Variants in EPN2 observed in about 807,000 individuals in gnomAD.
The protein encoded by EPN2 is epsin 2.
In EPN2, 34 loss-of-function variants were observed where a neutral mutation model predicts 61.7. The observed-to-expected ratio is 0.55, with a 90% CI of 0.42 to 0.73. EPN2 has a LOEUF of 0.73. Among genes scored for constraint, EPN2 ranks in the 30% least tolerant of loss-of-function variants. The pLI is 0.00. For synonymous variants in EPN2, 349 were observed against 353.6 expected (o/e 0.99, Z 0.15); for missense variants, 714 against 839.2 (o/e 0.85, Z 1.84).
Position 19,283,420 on chromosome 17 carries a change from T to G in EPN2, c.301T>G (p.Phe101Val). Residue 101 changes from phenylalanine (F) to valine (V), a missense_variant, in exon 3 of 11, where the codon TTC (phenylalanine) becomes GTC (valine). Phe to Val is a conservative substitution (Grantham distance 50). Coordinates refer to ENST00000314728, the MANE Select transcript of EPN2 (RefSeq NM_014964.5). The surrounding 1 kb of genome is among the most constrained non-coding windows in gnomAD (Gnocchi z 7.0). ...RVAQQCRENIFAIQTLKDFQY... is the reference protein window; with the variant it reads ...RVAQQCRENIVAIQTLKDFQY... ...GGCCCAGCAGTGCCGGGAGAACATC[T>G]TCGCCATCCAGACCCTGAAGGACTT... 1 of 1,614,124 alleles carries G rather than the reference T, an allele frequency of 6.2e-7. No individual in the cohort carries two copies. The highest frequency in any genetic ancestry group is 8.5e-7 in the Non-Finnish European group (1 of 1,180,006).
intron 1 of EPN2, among the ~76,000 whole-genome samples, chr17:19,278,982 T>C (rs1281427469): frequency 2.0e-5 from 3 of 152,220 alleles, no homozygotes; most frequent in Non-Finnish European, 2.9e-5. Flanking sequence ...TGCTCCTGTC[T>C]ATAAACTTCA....
Position 19,329,596 on chromosome 17 carries a change from A to G in EPN2, c.1360A>G (p.Ile454Val). 6.2e-7 allele frequency: 1 copy of G among 1,613,676 alleles called. No individual in the cohort carries two copies. The highest frequency in any genetic ancestry group is 8.5e-7 in the Non-Finnish European group (1 of 1,179,596). ...GCTCTTCAGTAATCTGAATGGTACA[A>G]TTAAAGATGACTTTTCTGAATTTGA... ...FELFSNLNGT[I>V]KDDFSEFDNL... The change falls in exon 9 of 11, where the codon ATT (isoleucine) becomes GTT (valine). Residue 454 changes from isoleucine (I) to valine (V), a missense_variant. Coordinates refer to ENST00000314728, the MANE Select transcript of EPN2 (RefSeq NM_014964.5).
intron 1 of EPN2, among the ~76,000 whole-genome samples, chr17:19,250,154 TGCCTATCTC>T (rs2044998629): frequency 6.6e-6 from 1 of 151,972 alleles, no homozygotes; most frequent in South Asian, 2.1e-4. Flanking sequence ...AGTGCAGTGA[TGCCTATCTC>T]GGCGCACTGC....
chr17:19,258,538 C>A (rs1217654572), intron 1 of EPN2, among the ~76,000 whole-genome samples: 1 of 152,172 alleles, frequency 6.6e-6, no homozygotes, highest in Non-Finnish European at 1.5e-5. Flanking sequence ...TCAGCATATT[C>A]TTTCCACACA....
At chr17:19,281,603 C>T (rs1244511403) in intron 1 of EPN2, among the ~76,000 whole-genome samples, 1 of 152,128 alleles carries the variant, frequency 6.6e-6, no homozygotes. Flanking sequence ...AGAGTAAAGA[C>T]CACCACAGGA....
chr17:19,309,885 C>T lies in EPN2; in HGVS notation c.767C>T (p.Ala256Val). 6.2e-7 allele frequency: 1 copy of T among 1,605,458 alleles called. No individual in the cohort carries two copies. Among genetic ancestry groups the T allele is most frequent in the Non-Finnish European group, 8.5e-7 (1 of 1,179,680 alleles). Residue 256 changes from alanine (A) to valine (V), a missense_variant and splice_region_variant, in exon 5 of 11, where the codon GCC becomes GTC. Physicochemically the swap from Ala to Val is moderately conservative, Grantham distance 64. Coordinates refer to ENST00000314728, the MANE Select transcript of EPN2 (RefSeq NM_014964.5). ...PCLTCDRAAR[A>V]TSPRVSSELE... ...ATGATGACTTGGTCTTCCCCAACAG[C>T]CACCTCCCCGCGAGTGTCCTCCGAG...
At chr17:19,306,856 G>C (rs4924981) in intron 4 of EPN2, among the ~76,000 whole-genome samples, 5 of 152,180 alleles carry the variant, frequency 3.3e-5, no homozygotes, top group African/African-American at 1.2e-4. Context: ...AGTAAATGAA[G>C]GATGTCGTAA....
chr17:19,334,257 C>T lies in EPN2; in HGVS notation c.*3C>T. 6.9e-7 allele frequency: 1 copy of T among 1,445,260 alleles called. No homozygotes were observed. Among genetic ancestry groups the T allele is most frequent in the Non-Finnish European group, 9.2e-7 (1 of 1,088,654 alleles). 89.5% of individuals were successfully genotyped at this position (1,445,260 alleles called of 1,614,324 possible). ...CAACCAACCCTTTCCTTCTCTAGTG[C>T]CTGGGCCTGGGACCCACCCAGAGCA... is the stretch of plus-strand genomic sequence containing the variant. On this transcript the variant is annotated 3_prime_UTR_variant, in exon 11 of 11. Coordinates refer to ENST00000314728, the MANE Select transcript of EPN2 (RefSeq NM_014964.5). The surrounding 1 kb of genome is among the most constrained non-coding windows in gnomAD (Gnocchi z 4.9).
intron 10 of EPN2, among the ~76,000 whole-genome samples, 185 bp downstream of exon 10, chr17:19,332,253 T>C (rs1907197534): frequency 6.6e-6 from 1 of 152,144 alleles, no homozygotes. Flanking sequence ...TTGTCAGTTA[T>C]GTGGGGAGTG....
At chr17:19,301,181 T>A (rs2080053743) in intron 4 of EPN2, among the ~76,000 whole-genome samples, 1 of 152,116 alleles carries the variant, frequency 6.6e-6, no homozygotes, top group South Asian at 2.1e-4. Flanking sequence ...GCCTCCATGG[T>A]CCCATGGCAG....
chr17:19,238,693 A>G (rs182161304), intron 1 of EPN2, among the ~76,000 whole-genome samples: 17 of 152,308 alleles, frequency 1.1e-4, no homozygotes, highest in Non-Finnish European at 7.4e-5. Context: ...TACCACATTT[A>G]ATAACTTTTT....
At chr17:19,275,584 C>G (rs2045297887) in intron 1 of EPN2, among the ~76,000 whole-genome samples, 1 of 152,164 alleles carries the variant, frequency 6.6e-6, no homozygotes, top group African/African-American at 2.4e-5. Flanking sequence ...GTGGTCCAGT[C>G]TGGATTCTTA....
At chr17:19,329,007 C>T (rs912399066) in intron 8 of EPN2, 120 bp downstream of exon 8, 3 of 887,682 alleles carry the variant, frequency 3.4e-6, no homozygotes, top group South Asian at 1.9e-5. Context: ...CCCTCCTCCC[C>T]CTTAGCCTTT....
chr17:19,303,582 G>A (rs546357022), intron 4 of EPN2, among the ~76,000 whole-genome samples: 5 of 152,172 alleles, frequency 3.3e-5, no homozygotes, highest in African/African-American at 1.2e-4. Flanking sequence ...GTTTTGCTGG[G>A]ACTGTCATAG....
chr17:19,335,338 G>T lies in EPN2; in HGVS notation c.*1084G>T. 6.7e-7 allele frequency: 1 copy of T among 1,489,048 alleles called. No homozygotes were observed. The highest frequency in any genetic ancestry group is 9.1e-7 in the Non-Finnish European group (1 of 1,103,472). 92.2% of individuals were successfully genotyped at this position (1,489,048 alleles called of 1,614,324 possible). A position where few individuals can be genotyped will look rare whatever the true frequency, so the allele number is the denominator to read the frequency against. On this transcript the variant is annotated 3_prime_UTR_variant, in exon 11 of 11. Coordinates refer to ENST00000314728, the MANE Select transcript of EPN2 (RefSeq NM_014964.5). ...ATATACCAACATCCTGAAAGTTAAA[G>T]AAAAAAATCTAATGTATGAATGTGA...
chr17:19,271,234 C>G (rs2045249863), intron 1 of EPN2, among the ~76,000 whole-genome samples: 1 of 152,036 alleles, frequency 6.6e-6, no homozygotes, highest in Admixed American at 6.6e-5. Context: ...GGGCTCTGTT[C>G]CAGATGACAG....
At chr17:19,333,932 C>T in intron 10 of EPN2, 24 bp from the exon 11 acceptor site, 2 of 1,513,768 alleles carry the variant, frequency 1.3e-6, no homozygotes, top group Non-Finnish European at 8.9e-7. Context: ...GGCTCAGCCT[C>T]TGCCCCTCCT....
intron 1 of EPN2, among the ~76,000 whole-genome samples, chr17:19,271,944 G>GC (rs1433317965): frequency 6.6e-6 from 1 of 152,208 alleles, no homozygotes; most frequent in Non-Finnish European, 1.5e-5. Context: ...CAGGCTCCTC[G>GC]CGAGATGGCG....
intron 1 of EPN2, among the ~76,000 whole-genome samples, chr17:19,273,837 T>G (rs963971797): frequency 3.9e-5 from 6 of 152,264 alleles, no homozygotes; most frequent in Non-Finnish European, 8.8e-5. Context: ...TATTAGGCTT[T>G]AAGTTATTGC....
Sources: allele counts gnomAD v4.1 joint callset (sites outside exome capture counted in the v4.1 genomes callset), GRCh38; gene constraint gnomAD v4.1.1; non-coding constraint Gnocchi (gnomAD v3.1); transcripts MANE v1.5; gene names NCBI Gene and HGNC (gene_info 2026-07-23, HGNC 2026-07-21).